PLA2G5: variants seen among roughly 807,000 people sequenced by gnomAD.
PLA2G5 encodes phospholipase A2 group V.
In PLA2G5, 12 loss-of-function variants were observed where a neutral mutation model predicts 15.9. The ratio of observed to expected loss-of-function variants is 0.76; its 90% confidence interval spans 0.48 to 1.23. The LOEUF (loss-of-function observed/expected upper bound fraction) is 1.23. PLA2G5 is among the 50% of genes most tolerant of loss of function. PLA2G5 has a pLI of 0.00. For missense variants in PLA2G5, 169 were observed against 177.1 expected, an observed-to-expected ratio of 0.95 and a Z score of 0.26; for synonymous variants, 71 against 71.4, an observed-to-expected ratio of 0.99 and a Z score of 0.03.
chr1:20,051,592 G>T (rs2014179556), intron 1 of PLA2G5, among the ~76,000 whole-genome samples: 1 of 152,164 alleles, frequency 6.6e-6, no homozygotes, highest in South Asian at 2.1e-4. Flanking sequence ...CTATTTGTGG[G>T]TATTCATAAC....
chr1:20,087,263 T>C (rs2016337783), intron 3 of PLA2G5, among the ~76,000 whole-genome samples: 1 of 152,254 alleles, frequency 6.6e-6, no homozygotes, highest in Non-Finnish European at 1.5e-5. Context: ...ATACTTTTTA[T>C]GTGCAATCTG....
intron 1 of PLA2G5, among the ~76,000 whole-genome samples, chr1:20,033,513 T>C (rs1410961431): frequency 3.3e-5 from 5 of 152,162 alleles, no homozygotes; most frequent in Non-Finnish European, 5.9e-5. Context: ...TATGGGAAGA[T>C]GCAATTGTAA....
At chr1:20,046,264 C>T (rs1406478765) in intron 1 of PLA2G5, 1 of 152,084 alleles carries the variant, frequency 6.6e-6, no homozygotes, top group Admixed American at 6.6e-5. Flanking sequence ...TTGTTTCTTC[C>T]AGTCTTTTGC....
chr1:20,085,011 G>C, intron 2 of PLA2G5, 141 bp downstream of exon 2: 2 of 729,532 alleles, frequency 2.7e-6, no homozygotes, highest in Non-Finnish European at 5.1e-6. Flanking sequence ...CATTCAGCAA[G>C]AGCCTTCATG....
At chr1:20,033,792 A>C (rs1394940774) in intron 1 of PLA2G5, among the ~76,000 whole-genome samples, 1 of 151,868 alleles carries the variant, frequency 6.6e-6, no homozygotes. Flanking sequence ...TAAAGTTTTT[A>C]AAGTGGTAGT....
chr1:20,040,527 A>C (rs1195667818), intron 1 of PLA2G5, among the ~76,000 whole-genome samples: 1 of 152,000 alleles, frequency 6.6e-6, no homozygotes, highest in Non-Finnish European at 1.5e-5. Context: ...ATATCTGGGA[A>C]CTAAGAGTGC....
intron 1 of PLA2G5, among the ~76,000 whole-genome samples, chr1:20,071,359 G>A (rs1282908724): frequency 6.6e-6 from 1 of 152,156 alleles, no homozygotes; most frequent in African/African-American, 2.4e-5. Flanking sequence ...AGATAAATGA[G>A]ACACCCTCAA....
At position 20,086,076 on chromosome 1, in the gene PLA2G5, C is replaced by T. The variant is rs1430140432; in HGVS notation, c.41-7C>T. 1.9e-6 allele frequency: 3 copies of T among 1,613,894 alleles called. No homozygotes were observed. The highest frequency in any genetic ancestry group is 1.7e-5 in the Admixed American group (1 of 59,994). On this transcript the variant is annotated splice_polypyrimidine_tract_variant and splice_region_variant and intron_variant, in intron 2 of 4. Transcript: ENST00000375108. ...GGTGTCACCTGGGGACATGGGCTAT[C>T]TTCCAGGTGTGCCTGCTGTGCAAGG...
intron 1 of PLA2G5, among the ~76,000 whole-genome samples, chr1:20,080,610 T>G (rs1355850691): frequency 1.3e-5 from 2 of 149,298 alleles, no homozygotes; most frequent in Non-Finnish European, 2.9e-5. Context: ...CAACTGCTTC[T>G]GAATACACAA....
intron 1 of PLA2G5, among the ~76,000 whole-genome samples, chr1:20,053,082 A>G (rs630041): frequency 0.84 from 128,075 of 152,162 alleles, 53,939 homozygotes; most frequent in East Asian, 0.93. Context: ...TGACCACCTT[A>G]GCCTGATGTC....
At chr1:20,051,314 A>G (rs2014167764) in intron 1 of PLA2G5, among the ~76,000 whole-genome samples, 1 of 152,232 alleles carries the variant, frequency 6.6e-6, no homozygotes, top group Non-Finnish European at 1.5e-5. Context: ...ACATCAGAAT[A>G]GAAGAAAAAC....
At chr1:20,071,199 C>A (rs1050971304) in intron 1 of PLA2G5, among the ~76,000 whole-genome samples, 6 of 152,158 alleles carry the variant, frequency 3.9e-5, no homozygotes, top group African/African-American at 1.4e-4. Context: ...CATAGGGTCA[C>A]CCTAGGGATA....
At chr1:20,033,318 G>A (rs1414504827) in intron 1 of PLA2G5, among the ~76,000 whole-genome samples, 1 of 152,214 alleles carries the variant, frequency 6.6e-6, no homozygotes, top group African/African-American at 2.4e-5. Context: ...GGGAGGAGAG[G>A]GAGTCTAAGA....
At chr1:20,067,971 T>C (rs998184028), upstream of PLA2G5, among the ~76,000 whole-genome samples, 1 of 151,798 alleles carries the variant, frequency 6.6e-6, no homozygotes, top group African/African-American at 2.4e-5. Context: ...ATACAAAAAT[T>C]AGCCAGGCAT....
In PLA2G5 at chr1:20,090,888, T is replaced by A; in HGVS notation, c.*196T>A. 1.7e-6 allele frequency: 1 copy of A among 577,170 alleles called. No individual in the cohort carries two copies. The highest frequency in any genetic ancestry group is 3.0e-6 in the Non-Finnish European group (1 of 328,022). 35.8% of individuals were successfully genotyped at this position (577,170 alleles called of 1,614,324 possible). ...GAGTGACTCTGGTCATAGGACTTGG[T>A]AGGGTCCCAGGGTCCCTAGGCCTCC... On this transcript the variant is annotated 3_prime_UTR_variant, in exon 5 of 5. Transcript: ENST00000375108.
chr1:20,038,771 C>G (rs1014087334), intron 1 of PLA2G5, among the ~76,000 whole-genome samples: 4 of 152,060 alleles, frequency 2.6e-5, no homozygotes, highest in African/African-American at 9.7e-5. Flanking sequence ...GATTGAGACC[C>G]TGTCTCAAAA....
chr1:20,069,787 CTTG>C (rs2015250159), upstream of PLA2G5, among the ~76,000 whole-genome samples: 1 of 152,128 alleles, frequency 6.6e-6, no homozygotes, highest in African/African-American at 2.4e-5. Context: ...ATGCCTGATT[CTTG>C]TTGGGATTCT....
At chr1:20,048,420 C>G (rs1376056462) in intron 1 of PLA2G5, among the ~76,000 whole-genome samples, 1 of 152,024 alleles carries the variant, frequency 6.6e-6, no homozygotes, top group African/African-American at 2.4e-5. Context: ...AAACCAAGCC[C>G]CAATCAGAAT....
chr1:20,090,836 C>T lies in PLA2G5; in HGVS notation c.*144C>T. The T allele has an allele frequency of 1.0e-5, 8 of 797,978 alleles. No individual in the cohort carries two copies. The South Asian group carries it at 1.2e-4, about 11-fold the overall frequency. 49.4% of individuals were successfully genotyped at this position (797,978 alleles called of 1,614,324 possible). A position where few individuals can be genotyped will look rare whatever the true frequency, so the allele number is the denominator to read the frequency against. ...GAAGCTTGGCGGACCCCCAGGGCCACACTGTACCCTCCAGCGAGTCCCAGG... is the reference window on the plus strand; with the variant it reads ...GAAGCTTGGCGGACCCCCAGGGCCATACTGTACCCTCCAGCGAGTCCCAGG... On this transcript the variant is annotated 3_prime_UTR_variant, in exon 5 of 5. Coordinates refer to ENST00000375108, the MANE Select transcript of PLA2G5 (RefSeq NM_000929.3).
Sources: gnomAD v4.1 joint callset for allele counts (sites outside exome capture counted in the v4.1 genomes callset) on GRCh38, gnomAD v4.1.1 for gene constraint, MANE v1.5 for transcripts, NCBI Gene and HGNC (gene_info 2026-07-23, HGNC 2026-07-21) for gene names.